Variants in SNX9 observed in about 807,000 individuals in gnomAD.
SNX9 encodes sorting nexin 9, also known as sorting nexin-9.
SNX9 carries 44 observed loss-of-function variants against 89.4 expected under a neutral mutation model. The ratio of observed to expected loss-of-function variants is 0.49; its 90% CI spans 0.39 to 0.63. The LOEUF (loss-of-function observed/expected upper bound fraction) is 0.63. SNX9 is among the 30% of genes least tolerant of loss of function. SNX9 has a pLI of 0.00. For synonymous variants in SNX9, 236 were observed against 247.8 expected (o/e 0.95, Z 0.45); for missense variants, 578 against 736.1 (o/e 0.79, Z 2.49).
intron 6 of SNX9, among the ~76,000 whole-genome samples, chr6:157,903,446 C>T (rs1783148245): frequency 6.6e-6 from 1 of 152,154 alleles, no homozygotes; most frequent in Non-Finnish European, 1.5e-5. Flanking sequence ...TGCTCAATTG[C>T]ATGCATAATA....
At chr6:157,891,500 T>A (rs1371205636) in intron 4 of SNX9, among the ~76,000 whole-genome samples, 1 of 152,222 alleles carries the variant, frequency 6.6e-6, no homozygotes, top group Non-Finnish European at 1.5e-5. Flanking sequence ...CTTTTGGTGA[T>A]CATGTCATGA....
intron 13 of SNX9, 42 bp downstream of exon 13, chr6:157,932,314 A>G: frequency 3.9e-6 from 6 of 1,558,202 alleles, no homozygotes; most frequent in Non-Finnish European, 4.4e-6. Flanking sequence ...TTAGAGCCTT[A>G]TGTAGACCTG....
At chr6:157,900,627 G>A (rs1186306994) in intron 5 of SNX9, among the ~76,000 whole-genome samples, 1 of 152,104 alleles carries the variant, frequency 6.6e-6, no homozygotes, top group Non-Finnish European at 1.5e-5. Context: ...GGGATTTAGG[G>A]TCATTTGATT....
At chr6:157,873,792 G>A (rs563674159) in intron 3 of SNX9, among the ~76,000 whole-genome samples, 45 of 151,906 alleles carry the variant, frequency 3.0e-4, no homozygotes, top group Admixed American at 1.4e-3. Flanking sequence ...ATAGACAGAG[G>A]GGTGTCTTGG....
intron 4 of SNX9, among the ~76,000 whole-genome samples, chr6:157,889,532 T>A (rs1782812705): frequency 6.6e-6 from 1 of 151,768 alleles, no homozygotes; most frequent in Non-Finnish European, 1.5e-5. Context: ...AGTCAAGATC[T>A]CAGCATTTAG....
intron 4 of SNX9, among the ~76,000 whole-genome samples, chr6:157,882,258 G>A (rs1782642554): frequency 6.6e-6 from 1 of 152,162 alleles, no homozygotes; most frequent in African/African-American, 2.4e-5. Context: ...ATGATTTACT[G>A]AATATTTCAA....
chr6:157,924,973 C>T (rs1333274176), intron 10 of SNX9, among the ~76,000 whole-genome samples: 1 of 152,122 alleles, frequency 6.6e-6, no homozygotes, highest in Non-Finnish European at 1.5e-5. Context: ...GTGGAACATC[C>T]TCCTATCCTA....
chr6:157,849,758 C>CT (rs1781873429), intron 1 of SNX9, among the ~76,000 whole-genome samples: 1 of 152,096 alleles, frequency 6.6e-6, no homozygotes, highest in African/African-American at 2.4e-5. Flanking sequence ...GAAGTTCCAT[C>CT]TAGAAGGCTG....
At chr6:157,922,155 C>G (rs1223724570) in intron 10 of SNX9, among the ~76,000 whole-genome samples, 1 of 152,206 alleles carries the variant, frequency 6.6e-6, no homozygotes, top group Admixed American at 6.5e-5. Flanking sequence ...TGGCCTCTCT[C>G]TCTGCCTGCC....
chr6:157,935,738 A>T (rs1783910043), intron 13 of SNX9, among the ~76,000 whole-genome samples: 1 of 152,194 alleles, frequency 6.6e-6, no homozygotes, highest in Admixed American at 6.5e-5. Context: ...TGAGATGCTG[A>T]TGTCCGGTGA....
chr6:157,933,039 G>A (rs1054605206), intron 13 of SNX9, among the ~76,000 whole-genome samples: 10 of 151,962 alleles, frequency 6.6e-5, no homozygotes, highest in Admixed American at 6.6e-4. Flanking sequence ...GGTTTACATT[G>A]GCAGCACTTA....
Position 157,823,516 on chromosome 6 carries a change from G to A in SNX9, c.12+70G>A. The A allele has an allele frequency of 8.7e-7, 1 of 1,149,950 alleles. No homozygotes were observed. Among genetic ancestry groups the A allele is most frequent in the Non-Finnish European group, 1.1e-6 (1 of 932,894 alleles). 71.2% of individuals were successfully genotyped at this position (1,149,950 alleles called of 1,614,324 possible). ...GGCGGCGCGGAGAGGGTCGGGGCCG[G>A]GGCCGCGGGGAGGGTCGGGGCCAGG... On this transcript the variant is annotated intron_variant, in intron 1 of 17. Coordinates refer to ENST00000392185, the MANE Select transcript of SNX9 (RefSeq NM_016224.5). The surrounding 1 kb of genome is among the most constrained non-coding windows in gnomAD (Gnocchi z 4.6).
chr6:157,839,062 C>T (rs1562590396), intron 1 of SNX9, among the ~76,000 whole-genome samples: 1 of 152,172 alleles, frequency 6.6e-6, no homozygotes, highest in Non-Finnish European at 1.5e-5. Context: ...GGTGAATTGT[C>T]AGGGGATCTT....
intron 1 of SNX9, among the ~76,000 whole-genome samples, chr6:157,833,719 A>G (rs999544028): frequency 2.0e-5 from 3 of 152,176 alleles, no homozygotes; most frequent in Non-Finnish European, 2.9e-5. Context: ...GGTTTCCAGC[A>G]CTGCACTTCT....
intron 5 of SNX9, among the ~76,000 whole-genome samples, chr6:157,897,818 C>A (rs1464984434): frequency 6.6e-6 from 1 of 152,138 alleles, no homozygotes; most frequent in African/African-American, 2.4e-5. Context: ...GCCTGGCCGG[C>A]ATGATTGATT....
intron 17 of SNX9, among the ~76,000 whole-genome samples, chr6:157,942,392 C>T (rs1382160479): frequency 6.6e-6 from 1 of 152,234 alleles, no homozygotes; most frequent in African/African-American, 2.4e-5. Context: ...GCAGTGACAG[C>T]AGGGTGTGGC....
rs1458596214 is a variant in SNX9, at chr6:157,928,693, T to C, written c.1279T>C (p.Cys427Arg). The C allele has an allele frequency of 6.3e-7, 1 of 1,599,484 alleles. No individual in the cohort carries two copies. The highest frequency in any genetic ancestry group is 8.5e-7 in the Non-Finnish European group (1 of 1,173,482). The change falls in exon 12 of 18, where the codon TGC (cysteine) becomes CGC (arginine). Residue 427 changes from cysteine (C) to arginine (R), a missense_variant. Transcript: ENST00000392185. ...GGTGGGGCAGGAGCACTGGAAGCGC[T>C]GCACGGGCCGTAAGTCCACTCCTCA... ...LTVGQEHWKR[C>R]TGPLPKEYQK...
chr6:157,858,613 C>G (rs1447962166), intron 1 of SNX9, among the ~76,000 whole-genome samples: 1 of 152,124 alleles, frequency 6.6e-6, no homozygotes, highest in Non-Finnish European at 1.5e-5. Flanking sequence ...GCCATTGTTA[C>G]AATCTACCTT....
chr6:157,845,649 C>T (rs1437425832), intron 1 of SNX9, among the ~76,000 whole-genome samples: 1 of 152,122 alleles, frequency 6.6e-6, no homozygotes, highest in Non-Finnish European at 1.5e-5. Flanking sequence ...CTGCAAAATG[C>T]AGGAGTTCAA....
Sources: allele counts gnomAD v4.1 joint callset (sites outside exome capture counted in the v4.1 genomes callset), GRCh38; gene constraint gnomAD v4.1.1; non-coding constraint Gnocchi (gnomAD v3.1); transcripts MANE v1.5; gene names NCBI Gene and HGNC (gene_info 2026-07-23, HGNC 2026-07-21).